ZNF610: variants seen among roughly 807,000 people sequenced by gnomAD.
ZNF610 encodes the protein zink finger protein.
Under a neutral mutation model 14.1 loss-of-function variants are expected in ZNF610, and 14 were observed. The observed-to-expected ratio is 0.99, with a 90% confidence interval of 0.65 to 1.55. The LOEUF (loss-of-function observed/expected upper bound fraction) is 1.55, where lower values mean the gene tolerates loss of function less well. Among genes scored for constraint, ZNF610 ranks in the 40% most tolerant of loss-of-function variants. The pLI, the probability that ZNF610 is intolerant of heterozygous loss-of-function variation, is 0.00. For synonymous variants in ZNF610, 185 were observed against 187.6 expected (o/e 0.99, Z 0.11); for missense variants, 530 against 558.0 (o/e 0.95, Z 0.51).
chr19:52,366,846 A>G lies in ZNF610; in HGVS notation c.*79A>G, dbSNP rs1436213244. 8.7e-6 allele frequency: 10 copies of G among 1,152,132 alleles called. No individual in the cohort carries two copies. The highest frequency in any genetic ancestry group is 2.0e-4 in the Middle Eastern group (1 of 4,988). The allele number at this position is 1,152,132 out of a possible 1,614,324, so 71.4% of individuals were successfully genotyped here. A position where few individuals can be genotyped will look rare whatever the true frequency, so the allele number is the denominator to read the frequency against. ...AGGAGAAAAACCTTACAAATATCAT[A>G]AATGTGGCAAAGAATTTAGTTTGCA... On this transcript the variant is annotated 3_prime_UTR_variant, in exon 6 of 6. Coordinates refer to ENST00000403906, the MANE Select transcript of ZNF610 (RefSeq NM_001161425.2).
rs191391833 is a variant in ZNF610 at position 52,341,530 on chromosome 19, G to A, written c.-258+5024G>A. On this transcript the variant is annotated intron_variant, in intron 1 of 5. Transcript: ENST00000403906. Reference sequence around the variant, plus strand: ...TCACCATGTTGGCCAAGATTGTCTCGATCTCTTGACCTTGTAATCTGCCCG... The same window carrying A: ...TCACCATGTTGGCCAAGATTGTCTCAATCTCTTGACCTTGTAATCTGCCCG... Among the ~76,000 whole-genome samples, 208 of 152,050 alleles carry A rather than the reference G, an allele frequency of 1.4e-3. 6 individuals are homozygous for A. In the East Asian group the frequency reaches 0.026, roughly 19 times the overall value.
rs192559454 is a variant in ZNF610, at chr19:52,354,255, C to T, written c.195C>T (p.Ile65=). The T allele has an allele frequency of 6.2e-7, 1 of 1,613,572 alleles. No individual in the cohort carries two copies. Among genetic ancestry groups the T allele is most frequent in the African/African-American group, 1.3e-5 (1 of 74,974 alleles). Residue 65 remains isoleucine (I), a synonymous_variant, in exon 5 of 6, where the codon ATC becomes ATT. Transcript: ENST00000403906. ...ENYRNLVFLG[I]CLPDLSIISM... ...TTTCTTTCTTTTTATTAACAGGAAT[C>T]TGTCTTCCTGACCTAAGTATTATTT...
intron 5 of ZNF610, among the ~76,000 whole-genome samples, chr19:52,358,160 A>AT (rs1985618630): frequency 1.3e-5 from 2 of 151,904 alleles, no homozygotes; most frequent in South Asian, 4.2e-4. Context: ...AAATTTCCAT[A>AT]TTTTTTTAGG....
At chr19:52,365,237 C>CA (rs371290297) in intron 5 of ZNF610, among the ~76,000 whole-genome samples, 2,127 of 104,158 alleles carry the variant, frequency 0.02, 52 homozygotes, top group African/African-American at 0.063. Context: ...GACTCCGTCT[C>CA]AAAAAAAAAA....
Position 52,342,490 on chromosome 19 carries a change from G to T in ZNF610, c.-257-5217G>T, listed in dbSNP as rs557509129. On this transcript the variant is annotated intron_variant, in intron 1 of 5. Transcript: ENST00000403906. ...TCTTCTTTTTTCTTGGCTTTGAAGA[G>T]ATTCTTCATAATTTAAAAAATCTGT... 1.5e-4 allele frequency among the ~76,000 whole-genome samples: 23 copies of T among 150,296 alleles called. No individual in the cohort carries two copies. The South Asian group carries it at 4.7e-3, about 30-fold the overall frequency.
Position 52,366,028 on chromosome 19 carries a change from C to A in ZNF610, c.650C>A (p.Ala217Glu), listed in dbSNP as rs763349261. 1.9e-6 allele frequency: 3 copies of A among 1,614,086 alleles called. No individual in the cohort carries two copies. Among genetic ancestry groups the A allele is most frequent in the South Asian group, 2.2e-5 (2 of 91,060 alleles). The change falls in exon 6 of 6, where the codon GCA becomes GAA. Residue 217 changes from alanine to glutamate, a missense_variant. Physicochemically the swap from Ala to Glu is moderately radical, Grantham distance 107. Transcript: ENST00000403906. ...GATGGTGAAGTTTTTAGAGTCCGTG[C>A]AAGCCTTACTAACCATCAAGTAATC... ...SEDGEVFRVRASLTNHQVIHT... is the reference protein window; with the variant it reads ...SEDGEVFRVRESLTNHQVIHT...
At chr19:52,345,926 G>A (rs183804070) in intron 1 of ZNF610, among the ~76,000 whole-genome samples, 30 of 150,992 alleles carry the variant, frequency 2.0e-4, no homozygotes, top group African/African-American at 3.7e-4. Flanking sequence ...GGATGGTCTC[G>A]ATCTCCTGAC....
Position 52,353,705 on chromosome 19 carries a change from G to A in ZNF610, c.87G>A (p.Val29=). The stretch of plus-strand genomic sequence containing the variant: ...AGGGACGCTTGACATTCATGGACGT[G>A]GCCATCGAATTCTCTCAGGAGGAGT... The part of the protein sequence containing the change: ...LPQGRLTFMD[V]AIEFSQEEWK... Residue 29 remains valine (V), a synonymous_variant, in exon 4 of 6, where the codon GTG becomes GTA. Coordinates refer to ENST00000403906, the MANE Select transcript of ZNF610 (RefSeq NM_001161425.2). 3 of 1,613,832 alleles carry A rather than the reference G, an allele frequency of 1.9e-6. No homozygotes were observed. Among genetic ancestry groups the A allele is most frequent in the Non-Finnish European group, 2.5e-6 (3 of 1,179,884 alleles).
chr19:52,363,556 C>T (rs1447418963), intron 5 of ZNF610, among the ~76,000 whole-genome samples: 1 of 151,978 alleles, frequency 6.6e-6, no homozygotes, highest in Non-Finnish European at 1.5e-5. Context: ...ATATTTGGTG[C>T]CTATATATTT....
intron 3 of ZNF610, among the ~76,000 whole-genome samples, chr19:52,349,905 A>G (rs1335304264): frequency 6.6e-6 from 1 of 152,164 alleles, no homozygotes; most frequent in Non-Finnish European, 1.5e-5. Flanking sequence ...TACCTGGTAC[A>G]TTCTGGAAAA....
In ZNF610 at chr19:52,353,758, CT is replaced by C. The variant is rs1375885309; in HGVS notation, c.143del (p.Leu48TyrfsTer5). On this transcript the variant is annotated frameshift_variant, in exon 4 of 6. Coordinates refer to ENST00000403906, the MANE Select transcript of ZNF610 (RefSeq NM_001161425.2). LOFTEE classifies it high-confidence loss of function. ...EWKSLDPGQR[A>X]LYRDVMLENY... ...AAATCCCTGGACCCTGGACAGAGGGCTTTATACAGGGACGTGATGTTGGAGA... is the reference window on the plus strand; with the variant it reads ...AAATCCCTGGACCCTGGACAGAGGGCTTATACAGGGACGTGATGTTGGAGA... 8 of 1,613,702 alleles carry C rather than the reference CT, an allele frequency of 5.0e-6. No individual in the cohort carries two copies. Among genetic ancestry groups the C allele is most frequent in the Non-Finnish European group, 5.9e-6 (7 of 1,179,880 alleles).
intron 5 of ZNF610, 94 bp from the exon 6 acceptor site, chr19:52,365,604 T>C (rs1985981700): frequency 2.8e-6 from 3 of 1,088,616 alleles, no homozygotes; most frequent in Non-Finnish European, 4.0e-6. Flanking sequence ...CTTCTTCCAG[T>C]GTCTGAGTTG....
rs116326531 is a variant in ZNF610, at chr19:52,359,889, G to A, written c.319+5510G>A. Among the ~76,000 whole-genome samples, 1,004 of 152,224 alleles carry A rather than the reference G, an allele frequency of 6.6e-3. 7 individuals are homozygous for A. The highest frequency in any genetic ancestry group is 0.022 in the African/African-American group (909 of 41,526). ...GTTTCTGTGGCCCCTCTTTGGGCTC[G>A]ATAAAGTTTCTGGATTGTCTCACAG... On this transcript the variant is annotated intron_variant, in intron 5 of 5. Transcript: ENST00000403906.
chr19:52,362,925 A>C (rs1000140129), intron 5 of ZNF610, among the ~76,000 whole-genome samples: 1 of 152,082 alleles, frequency 6.6e-6, no homozygotes, highest in Non-Finnish European at 1.5e-5. Flanking sequence ...TAATGAGGCT[A>C]TAGTGATGTT....
chr19:52,334,960 AT>A (rs1984306754), upstream of ZNF610, among the ~76,000 whole-genome samples: 1 of 136,450 alleles, frequency 7.3e-6, no homozygotes, highest in African/African-American at 2.8e-5. Context: ...CACACACACA[AT>A]GTAATTTACA....
intron 3 of ZNF610, 90 bp downstream of exon 3, chr19:52,349,325 A>G: frequency 1.4e-6 from 2 of 1,426,244 alleles, no homozygotes; most frequent in South Asian, 2.3e-5. Context: ...ACACTCACCC[A>G]TGCCTTCCCT....
rs1568656273 is a variant in ZNF610 at position 52,365,981 on chromosome 19, T to G, written c.603T>G (p.Ser201=). 6.2e-7 allele frequency: 1 copy of G among 1,614,160 alleles called. No individual in the cohort carries two copies. The highest frequency in any genetic ancestry group is 1.7e-5 in the Admixed American group (1 of 60,018). Residue 201 remains serine, a synonymous_variant, in exon 6 of 6, where the codon TCT becomes TCG. Coordinates refer to ENST00000403906, the MANE Select transcript of ZNF610 (RefSeq NM_001161425.2). ...QEEKAYIRGK[S]YEYECSEDGE... ...AGAAAGCATACATTAGAGGAAAATC[T>G]TATGAATATGAATGTAGTGAAGATG... is the stretch of plus-strand genomic sequence containing the variant.
intron 1 of ZNF610, among the ~76,000 whole-genome samples, chr19:52,338,980 C>T (rs1228388972): frequency 2.6e-5 from 4 of 151,898 alleles, no homozygotes; most frequent in Admixed American, 6.6e-5. Context: ...TCTACCATCT[C>T]GGAGAGGGGG....
chr19:52,366,568 A>G lies in ZNF610; in HGVS notation c.1190A>G (p.Glu397Gly), dbSNP rs749368835. ...GCCCATCTTCTAATCCATACTGGAG[A>G]GAAACCTTACAAATGTAATGAATGT... ...LMAHLLIHTG[E>G]KPYKCNECDK... Residue 397 changes from glutamate (E) to glycine (G), a missense_variant, in exon 6 of 6, where the codon GAG becomes GGG. Transcript: ENST00000403906. 2 of 1,614,234 alleles carry G rather than the reference A, an allele frequency of 1.2e-6. No homozygotes were observed. Among genetic ancestry groups the G allele is most frequent in the South Asian group, 1.1e-5 (1 of 91,088 alleles).
Sources: allele counts gnomAD v4.1 joint callset (sites outside exome capture counted in the v4.1 genomes callset), GRCh38; gene constraint gnomAD v4.1.1; transcripts MANE v1.5; gene names NCBI Gene and HGNC (gene_info 2026-07-23, HGNC 2026-07-21).